NDC1: variants seen among roughly 807,000 people sequenced by gnomAD.
The protein encoded by NDC1 is nucleoporin NDC1.
A neutral mutation model predicts 89.8 loss-of-function variants in NDC1; 24 were observed. The observed-to-expected ratio is 0.27, with a 90% CI of 0.19 to 0.38. NDC1 has a LOEUF of 0.38. Among genes scored for constraint, NDC1 ranks in the 10% least tolerant of loss-of-function variants. The pLI, the probability that NDC1 is intolerant of heterozygous loss-of-function variation, is 1.00. For missense variants in NDC1, 728 were observed against 797.6 expected, an observed-to-expected ratio of 0.91 and a Z score of 1.05; for synonymous variants, 296 against 284.8, an observed-to-expected ratio of 1.04 and a Z score of -0.39.
intron 2 of NDC1, among the ~76,000 whole-genome samples, chr1:53,835,219 C>G (rs1649190842): frequency 6.6e-6 from 1 of 152,026 alleles, no homozygotes; most frequent in Admixed American, 6.6e-5. Context: ...ATAAAGCTGC[C>G]CAAAGGAAAA....
intron 1 of NDC1, among the ~76,000 whole-genome samples, chr1:53,836,451 CAAA>C (rs1245566049): frequency 6.4e-5 from 6 of 94,130 alleles, no homozygotes; most frequent in Admixed American, 3.7e-4. Context: ...CTCTGTCTAA[CAAA>C]AAAAAAAAAA....
chr1:53,768,729 G>T (rs75129265), intron 17 of NDC1, among the ~76,000 whole-genome samples: 3,653 of 152,128 alleles, frequency 0.024, 159 homozygotes, highest in African/African-American at 0.085. Flanking sequence ...GTGCCAAAAC[G>T]GTCTTATTTT....
At chr1:53,823,601 G>A (rs1213270396) in intron 5 of NDC1, among the ~76,000 whole-genome samples, 1 of 152,060 alleles carries the variant, frequency 6.6e-6, no homozygotes, top group East Asian at 1.9e-4. Context: ...GTCCAGCAAG[G>A]TATTGTGGGG....
intron 14 of NDC1, among the ~76,000 whole-genome samples, chr1:53,792,160 T>C (rs993560598): frequency 1.3e-5 from 2 of 152,122 alleles, no homozygotes. Flanking sequence ...GCCAGGATGG[T>C]CTTGATCTCC....
chr1:53,772,957 C>A (rs146394577), intron 16 of NDC1, among the ~76,000 whole-genome samples: 1 of 151,902 alleles, frequency 6.6e-6, no homozygotes, highest in South Asian at 2.1e-4. Flanking sequence ...TACCAGGCCC[C>A]CCCCAAAATC....
At chr1:53,769,334 T>C (rs950137459) in intron 17 of NDC1, among the ~76,000 whole-genome samples, 2 of 152,200 alleles carry the variant, frequency 1.3e-5, no homozygotes, top group African/African-American at 4.8e-5. Context: ...AGATCTAATG[T>C]ATAACATGAC....
chr1:53,790,699 T>C (rs1021051462), intron 14 of NDC1, among the ~76,000 whole-genome samples: 1 of 152,234 alleles, frequency 6.6e-6, no homozygotes, highest in Middle Eastern at 3.4e-3. Context: ...AGAGCAAGAC[T>C]TCGTCTCAAA....
At chr1:53,789,234 T>G in intron 14 of NDC1, 38 bp from the exon 15 acceptor site, 1 of 1,403,656 alleles carries the variant, frequency 7.1e-7, no homozygotes, top group Non-Finnish European at 9.9e-7. Context: ...TGAATTCCCC[T>G]GAGCAAAAAC....
At position 53,819,093 on chromosome 1, in the gene NDC1, A is replaced by T. The variant is rs771347651; in HGVS notation, c.595-14T>A. On this transcript the variant is annotated splice_polypyrimidine_tract_variant and intron_variant, in intron 5 of 17. Coordinates refer to ENST00000371429, the MANE Select transcript of NDC1 (RefSeq NM_018087.5). ...GAACTTGTATTGCTGTGGGGAAAAA[A>T]AAAAGAATCAAATGACACATTCAAA... 3.1e-6 allele frequency: 4 copies of T among 1,270,162 alleles called. No homozygotes were observed. In the East Asian group the frequency reaches 7.0e-5, roughly 22 times the overall value. The allele number at this position is 1,270,162 out of a possible 1,614,324, so 78.7% of individuals were successfully genotyped here. A position where few individuals can be genotyped will look rare whatever the true frequency, so the allele number is the denominator to read the frequency against.
At chr1:53,799,918 G>T (rs1170420994) in intron 11 of NDC1, among the ~76,000 whole-genome samples, 1 of 152,114 alleles carries the variant, frequency 6.6e-6, no homozygotes, top group African/African-American at 2.4e-5. Flanking sequence ...TAAATGGAAG[G>T]GGTACTAACA....
intron 6 of NDC1, 85 bp from the exon 7 acceptor site, chr1:53,809,831 T>C: frequency 1.0e-6 from 1 of 963,554 alleles, no homozygotes; most frequent in Non-Finnish European, 1.7e-6. Flanking sequence ...GTCAATGACA[T>C]GGCCACACAG....
intron 16 of NDC1, among the ~76,000 whole-genome samples, chr1:53,783,692 T>C (rs1647240697): frequency 6.6e-6 from 1 of 152,168 alleles, no homozygotes; most frequent in Admixed American, 6.5e-5. Context: ...AATGAATTAA[T>C]GCAGATTATA....
intron 6 of NDC1, among the ~76,000 whole-genome samples, chr1:53,815,329 TAAACAGAATTAA>T (rs1370874682): frequency 3.3e-5 from 5 of 152,126 alleles, no homozygotes; most frequent in Non-Finnish European, 7.4e-5. Flanking sequence ...ATACACCACA[TAAACAGAATTAA>T]AAACAAAAAT....
At chr1:53,797,842 G>T (rs1647772308) in intron 11 of NDC1, among the ~76,000 whole-genome samples, 1 of 151,882 alleles carries the variant, frequency 6.6e-6, no homozygotes, top group South Asian at 2.1e-4. Context: ...TCCCAGGTTG[G>T]TCTTGAACTC....
intron 6 of NDC1, 28 bp from the exon 7 acceptor site, chr1:53,809,774 A>T (rs748626355): frequency 1.9e-6 from 3 of 1,595,908 alleles, no homozygotes; most frequent in Non-Finnish European, 2.6e-6. Flanking sequence ...CAAGCTATGA[A>T]CATAAAAAGT....
At chr1:53,777,588 C>T (rs1042558432) in intron 16 of NDC1, among the ~76,000 whole-genome samples, 1 of 152,150 alleles carries the variant, frequency 6.6e-6, no homozygotes, top group African/African-American at 2.4e-5. Context: ...GATAAGCAGG[C>T]CTCAGGTTCA....
Position 53,820,701 on chromosome 1 carries a change from CTTTTTTT to C in NDC1, c.595-1629_595-1623del, listed in dbSNP as rs927514677. 3.6e-3 allele frequency among the ~76,000 whole-genome samples: 269 copies of C among 74,908 alleles called. 1 individual carries two copies. The highest frequency in any genetic ancestry group is 7.5e-3 in the African/African-American group (133 of 17,850). 49.1% of individuals were successfully genotyped at this position (74,908 alleles called of 152,430 possible). ...AAAAATAAAAGATGTACTTCTCTCT[CTTTTTTT>C]TTTTTTTTTTTTTTTTTTGGAGATA... On this transcript the variant is annotated intron_variant, in intron 5 of 17. Transcript: ENST00000371429.
chr1:53,812,476 G>C lies in NDC1; in HGVS notation c.704-2730C>G, dbSNP rs577403948. 3.1e-3 allele frequency among the ~76,000 whole-genome samples: 466 copies of C among 152,284 alleles called. 3 individuals are homozygous for C. Among genetic ancestry groups the C allele is most frequent in the African/African-American group, 0.01 (433 of 41,558 alleles). The stretch of plus-strand genomic sequence containing the variant: ...TTAGAAATGCGAAATGCTCTGGAAA[G>C]TCTCAGCAATAGAATTTAACAAGTA... On this transcript the variant is annotated intron_variant, in intron 6 of 17. Coordinates refer to ENST00000371429, the MANE Select transcript of NDC1 (RefSeq NM_018087.5).
chr1:53,788,936 A>G (rs1647395909), intron 15 of NDC1, among the ~76,000 whole-genome samples, 197 bp downstream of exon 15: 1 of 152,124 alleles, frequency 6.6e-6, no homozygotes, highest in African/African-American at 2.4e-5. Flanking sequence ...CTCTGCTTAC[A>G]TACAAGAAAA....
Sources: allele counts gnomAD v4.1 joint callset (sites outside exome capture counted in the v4.1 genomes callset), GRCh38; gene constraint gnomAD v4.1.1; transcripts MANE v1.5; gene names NCBI Gene and HGNC (gene_info 2026-07-23, HGNC 2026-07-21).